LUZP2: variants seen among roughly 807,000 people sequenced by gnomAD.
LUZP2 encodes the protein leucine zipper protein 2.
Under a neutral mutation model 51.6 loss-of-function variants are expected in LUZP2, and 52 were observed. That is an observed-to-expected ratio of 1.01 (90% CI 0.81 to 1.27). LUZP2 has a LOEUF of 1.27. Among genes scored for constraint, LUZP2 ranks in the 50% most tolerant of loss-of-function variants. The probability of loss-of-function intolerance (pLI) is 0.00; values close to 1 mark genes in which losing one functional copy is unlikely to be tolerated. For missense variants in LUZP2, 436 were observed against 395.4 expected (o/e 1.10, Z -0.87); for synonymous variants, 154 against 137.3 (o/e 1.12, Z -0.85).
intron 1 of LUZP2, among the ~76,000 whole-genome samples, chr11:24,561,675 G>T (rs1852045242): frequency 6.6e-6 from 1 of 152,056 alleles, no homozygotes; most frequent in South Asian, 2.1e-4. Flanking sequence ...CCTATCGGAG[G>T]GTGGCGGGAT....
intron 9 of LUZP2, among the ~76,000 whole-genome samples, chr11:25,023,826 A>G (rs367622037): frequency 6.6e-6 from 1 of 152,068 alleles, no homozygotes; most frequent in Admixed American, 6.6e-5. Context: ...AGATTCTGCT[A>G]TGTTGTGTCT....
At chr11:25,021,603 G>T (rs893383866) in intron 9 of LUZP2, among the ~76,000 whole-genome samples, 1 of 151,924 alleles carries the variant, frequency 6.6e-6, no homozygotes, top group Admixed American at 6.6e-5. Flanking sequence ...GAGCTACTGG[G>T]CAGGGATAGA....
At chr11:24,657,648 G>C (rs1402480065) in intron 1 of LUZP2, among the ~76,000 whole-genome samples, 1 of 152,106 alleles carries the variant, frequency 6.6e-6, no homozygotes, top group South Asian at 2.1e-4. Context: ...TCCCTGTTTG[G>C]AGATGACATG....
At chr11:24,648,606 G>T (rs1430099759) in intron 1 of LUZP2, among the ~76,000 whole-genome samples, 2 of 151,868 alleles carry the variant, frequency 1.3e-5, no homozygotes, top group Non-Finnish European at 2.9e-5. Flanking sequence ...GGAACCATAA[G>T]CCACTGCACA....
At chr11:25,046,420 A>G (rs1314054395) in intron 9 of LUZP2, among the ~76,000 whole-genome samples, 1 of 152,088 alleles carries the variant, frequency 6.6e-6, no homozygotes, top group African/African-American at 2.4e-5. Context: ...TTAAATTGCT[A>G]CATTTTAGAA....
chr11:24,528,645 C>T lies in LUZP2; in HGVS notation c.62+31340C>T, dbSNP rs531176018. Among the ~76,000 whole-genome samples the T allele has an allele frequency of 2.0e-5, 3 of 151,240 alleles. No homozygotes were observed. The East Asian group carries it at 5.8e-4, about 29-fold the overall frequency. On this transcript the variant is annotated intron_variant, in intron 1 of 11. Coordinates refer to ENST00000336930, the MANE Select transcript of LUZP2 (RefSeq NM_001009909.4). ...TAATCCTCATCAAAATATTCAAATTCATTTGCCTTTACCCTCTGATCATTT... is the reference window on the plus strand; with the variant it reads ...TAATCCTCATCAAAATATTCAAATTTATTTGCCTTTACCCTCTGATCATTT...
intron 1 of LUZP2, among the ~76,000 whole-genome samples, chr11:24,500,770 G>A (rs1303785145): frequency 6.6e-6 from 1 of 152,174 alleles, no homozygotes; most frequent in Admixed American, 6.5e-5. Flanking sequence ...ACTTTGAGCA[G>A]ATGGTCGGTT....
chr11:24,939,594 AGG>A (rs1854688572), intron 7 of LUZP2, among the ~76,000 whole-genome samples: 2 of 152,180 alleles, frequency 1.3e-5, no homozygotes, highest in Non-Finnish European at 2.9e-5. Context: ...TGATTAAGTG[AGG>A]AATGCAGTAT....
intron 5 of LUZP2, among the ~76,000 whole-genome samples, chr11:24,845,872 C>T (rs1296420092): frequency 6.6e-6 from 1 of 151,998 alleles, no homozygotes; most frequent in African/African-American, 2.4e-5. Flanking sequence ...TCTTCCCAGT[C>T]TCAGGTATGT....
chr11:24,945,662 AG>A (rs1367295760), intron 7 of LUZP2, among the ~76,000 whole-genome samples: 1 of 151,998 alleles, frequency 6.6e-6, no homozygotes, highest in African/African-American at 2.4e-5. Context: ...CAGTCTTATC[AG>A]CACTGAACAT....
intron 1 of LUZP2, among the ~76,000 whole-genome samples, chr11:24,594,630 G>C (rs934715086): frequency 6.6e-6 from 1 of 151,328 alleles, no homozygotes; most frequent in African/African-American, 2.4e-5. Flanking sequence ...AAAATATTTA[G>C]TTGTCAATGA....
intron 5 of LUZP2, among the ~76,000 whole-genome samples, chr11:24,893,794 A>G (rs369399135): frequency 1.5e-5 from 2 of 133,504 alleles, no homozygotes; most frequent in Non-Finnish European, 3.3e-5. Flanking sequence ...ACACACACAC[A>G]CACACGCACA....
chr11:24,656,123 A>C (rs1392371286), intron 1 of LUZP2, among the ~76,000 whole-genome samples: 1 of 152,204 alleles, frequency 6.6e-6, no homozygotes, highest in East Asian at 1.9e-4. Context: ...CTGAAACAGA[A>C]ATAGGTAACT....
intron 7 of LUZP2, among the ~76,000 whole-genome samples, chr11:24,926,108 GTTTGTGTGTGTATACATACCTA>G (rs1323613140): frequency 6.6e-6 from 1 of 151,184 alleles, no homozygotes; most frequent in Non-Finnish European, 1.5e-5. Flanking sequence ...CATGGTGTGT[GTTTGTGTGTGTATACATACCTA>G]TGGAACCAGC....
Position 25,074,874 on chromosome 11 carries a change from T to A in LUZP2, c.859-2455T>A, listed in dbSNP as rs1278847623. On this transcript the variant is annotated intron_variant, in intron 10 of 11. Transcript: ENST00000336930. ...ACTTTAAGATATTGTATAAGATTTC[T>A]GAGAAGAACTACAATAAATACAACT... Among the ~76,000 whole-genome samples the A allele has an allele frequency of 3.9e-5, 6 of 152,278 alleles. No homozygotes were observed. The East Asian group carries it at 1.2e-3, about 29-fold the overall frequency.
At chr11:24,925,866 A>G (rs948859857) in intron 7 of LUZP2, among the ~76,000 whole-genome samples, 4 of 151,952 alleles carry the variant, frequency 2.6e-5, no homozygotes, top group African/African-American at 9.7e-5. Flanking sequence ...ACTGTACCCA[A>G]TGTGTAGTCA....
At position 24,497,123 on chromosome 11, in the gene LUZP2, T is replaced by C. The variant is rs920134507; in HGVS notation, c.-121T>C. ...GTCCGTTCGTGTGCCCGTCTCCGCC[T>C]TTCCGCCTCGGAAGAGCGCTCATCA... is the stretch of plus-strand genomic sequence containing the variant. On this transcript the variant is annotated 5_prime_UTR_variant, in exon 1 of 12. Transcript: ENST00000336930. 8.9e-6 allele frequency: 8 copies of C among 894,728 alleles called. No homozygotes were observed. Among genetic ancestry groups the C allele is most frequent in the Non-Finnish European group, 1.3e-5 (8 of 631,656 alleles). 55.4% of individuals were successfully genotyped at this position (894,728 alleles called of 1,614,324 possible).
In LUZP2 at chr11:24,788,763, C is replaced by G. The variant is rs1008237446; in HGVS notation, c.396+25455C>G. On this transcript the variant is annotated intron_variant, in intron 5 of 11. Transcript: ENST00000336930. ...CTGGAGACCCAGAGAAAAGCTAATA[C>G]TGCAGTTCAGCTCTGAAGTGCATCT... is the stretch of plus-strand genomic sequence containing the variant. Among the ~76,000 whole-genome samples, 2 of 152,098 alleles carry G rather than the reference C, an allele frequency of 1.3e-5. 1 individual carries two copies. Among genetic ancestry groups the G allele is most frequent in the South Asian group, 4.1e-4 (2 of 4,834 alleles).
chr11:24,567,693 T>C (rs12364600), intron 1 of LUZP2, among the ~76,000 whole-genome samples: 28,724 of 151,818 alleles, frequency 0.19, 3,388 homozygotes, highest in Middle Eastern at 0.33. Context: ...AACTGTTGAA[T>C]GAAAAAAAAT....
Sources: gnomAD v4.1 joint callset for allele counts (sites outside exome capture counted in the v4.1 genomes callset) on GRCh38, gnomAD v4.1.1 for gene constraint, MANE v1.5 for transcripts, NCBI Gene and HGNC (gene_info 2026-07-23, HGNC 2026-07-21) for gene names.